The following DEPDC1B variants were observed in gnomAD, a reference collection of about 807,000 sequenced individuals.
The protein encoded by DEPDC1B is DEP domain-containing protein 1B.
Under a neutral mutation model 66.5 loss-of-function variants are expected in DEPDC1B, and 51 were observed. That is an observed-to-expected ratio of 0.77 (90% CI 0.61 to 0.97). DEPDC1B has a LOEUF of 0.97. DEPDC1B is among the 50% of genes least tolerant of loss of function. The probability of loss-of-function intolerance (pLI) is 0.00; values close to 1 mark genes in which losing one functional copy is unlikely to be tolerated. For missense variants in DEPDC1B, 552 were observed against 637.1 expected, an observed-to-expected ratio of 0.87 and a Z score of 1.44; for synonymous variants, 226 against 223.6, an observed-to-expected ratio of 1.01 and a Z score of -0.10.
At chr5:60,634,479 T>C (rs1462596161) in intron 7 of DEPDC1B, among the ~76,000 whole-genome samples, 1 of 151,924 alleles carries the variant, frequency 6.6e-6, no homozygotes, top group Admixed American at 6.6e-5. Context: ...GAGACCATCC[T>C]GGCTAACACG....
At chr5:60,671,531 A>G (rs991211702) in intron 2 of DEPDC1B, among the ~76,000 whole-genome samples, 2 of 152,204 alleles carry the variant, frequency 1.3e-5, no homozygotes, top group Non-Finnish European at 2.9e-5. Flanking sequence ...GGAACTCCCC[A>G]TCAGCCCGGG....
chr5:60,645,309 T>C (rs552845645), intron 4 of DEPDC1B, among the ~76,000 whole-genome samples, 183 bp downstream of exon 4: 1 of 152,208 alleles, frequency 6.6e-6, no homozygotes. Context: ...CTAACTATTA[T>C]GTAAATAGCA....
chr5:60,634,262 GT>G (rs1296127921), intron 7 of DEPDC1B, among the ~76,000 whole-genome samples: 3 of 152,184 alleles, frequency 2.0e-5, no homozygotes, highest in African/African-American at 7.2e-5. Flanking sequence ...TCTTATCAGT[GT>G]TTTTTCCTTC....
chr5:60,680,374 C>T (rs1009729136), intron 2 of DEPDC1B, among the ~76,000 whole-genome samples: 3 of 152,042 alleles, frequency 2.0e-5, no homozygotes, highest in Non-Finnish European at 2.9e-5. Context: ...CACTAAAATT[C>T]ACTCCTCCCT....
At chr5:60,672,454 G>C (rs1754062893) in intron 2 of DEPDC1B, among the ~76,000 whole-genome samples, 1 of 152,176 alleles carries the variant, frequency 6.6e-6, no homozygotes, top group Non-Finnish European at 1.5e-5. Context: ...AGGAGAGAAA[G>C]AAAGAGCGCA....
intron 2 of DEPDC1B, among the ~76,000 whole-genome samples, chr5:60,668,830 C>A (rs1233102566): frequency 6.6e-6 from 1 of 152,144 alleles, no homozygotes; most frequent in Admixed American, 6.5e-5. Flanking sequence ...AGCATACATT[C>A]TTTTATGAAG....
chr5:60,612,330 G>A (rs532648001), intron 7 of DEPDC1B, among the ~76,000 whole-genome samples: 22 of 151,760 alleles, frequency 1.4e-4, no homozygotes, highest in African/African-American at 5.3e-4. Context: ...GGCTGAGGCA[G>A]GAGAATTGCT....
intron 2 of DEPDC1B, among the ~76,000 whole-genome samples, chr5:60,659,340 G>A (rs993265784): frequency 1.3e-5 from 2 of 152,084 alleles, no homozygotes; most frequent in Non-Finnish European, 2.9e-5. Flanking sequence ...GACCACTTTC[G>A]CTTGCTATTC....
intron 2 of DEPDC1B, chr5:60,648,128 G>A (rs1753364077): frequency 1.3e-5 from 2 of 152,252 alleles, no homozygotes; most frequent in South Asian, 2.1e-4. Context: ...GCCATTTGAA[G>A]CAAATATGGA....
intron 2 of DEPDC1B, among the ~76,000 whole-genome samples, chr5:60,669,617 C>A (rs1753983296): frequency 6.6e-6 from 1 of 152,118 alleles, no homozygotes; most frequent in Non-Finnish European, 1.5e-5. Flanking sequence ...CTAATGATTA[C>A]ATTTCACAAT....
intron 7 of DEPDC1B, among the ~76,000 whole-genome samples, chr5:60,633,196 T>C (rs1752964253): frequency 6.6e-6 from 1 of 152,218 alleles, no homozygotes; most frequent in Admixed American, 6.5e-5. Flanking sequence ...TGCTTCTCTC[T>C]AGAGCCTGGA....
chr5:60,660,709 A>C (rs1183006721), intron 2 of DEPDC1B, among the ~76,000 whole-genome samples: 1 of 152,250 alleles, frequency 6.6e-6, no homozygotes, highest in Non-Finnish European at 1.5e-5. Flanking sequence ...TTACTAACTC[A>C]AAAATCTTAA....
intron 6 of DEPDC1B, among the ~76,000 whole-genome samples, chr5:60,641,912 A>G (rs1238680323): frequency 9.9e-5 from 15 of 152,160 alleles, no homozygotes; most frequent in Admixed American, 9.8e-4. Context: ...TCATATACAG[A>G]AGGATAGTAT....
intron 7 of DEPDC1B, among the ~76,000 whole-genome samples, chr5:60,627,523 T>G (rs1752831545): frequency 6.6e-6 from 1 of 152,100 alleles, no homozygotes; most frequent in Non-Finnish European, 1.5e-5. Flanking sequence ...CTAGAATAAC[T>G]TTTTCACCTT....
intron 2 of DEPDC1B, among the ~76,000 whole-genome samples, chr5:60,667,436 CA>C (rs1196230258): frequency 8.3e-6 from 1 of 120,096 alleles, no homozygotes; most frequent in Non-Finnish European, 1.8e-5. Context: ...TACATATATA[CA>C]AAAAATGGAT....
chr5:60,644,709 T>C (rs369140199), intron 5 of DEPDC1B, 36 bp downstream of exon 5: 8 of 1,559,434 alleles, frequency 5.1e-6, no homozygotes, highest in Admixed American at 1.9e-5. Context: ...CAATATATTA[T>C]GTCAATAAGT....
chr5:60,683,150 C>A (rs139477152), intron 2 of DEPDC1B, among the ~76,000 whole-genome samples: 1 of 152,152 alleles, frequency 6.6e-6, no homozygotes, highest in Admixed American at 6.5e-5. Flanking sequence ...CACAAATCTG[C>A]CAGGCATGGT....
chr5:60,681,827 G>A (rs1004550580), intron 2 of DEPDC1B, among the ~76,000 whole-genome samples: 1 of 151,672 alleles, frequency 6.6e-6, no homozygotes, highest in African/African-American at 2.4e-5. Context: ...TGCTGCCCTA[G>A]CTGGACTCAA....
intron 5 of DEPDC1B, among the ~76,000 whole-genome samples, 166 bp downstream of exon 5, chr5:60,644,579 T>C (rs1163906270): frequency 3.9e-5 from 6 of 152,194 alleles, no homozygotes; most frequent in Non-Finnish European, 8.8e-5. Context: ...CATCTTCCTA[T>C]GACATTCCCT....
Sources: gnomAD v4.1 joint callset for allele counts (sites outside exome capture counted in the v4.1 genomes callset) on GRCh38, gnomAD v4.1.1 for gene constraint, MANE v1.5 for transcripts, NCBI Gene and HGNC (gene_info 2026-07-23, HGNC 2026-07-21) for gene names.